SNTG1: variants seen among roughly 807,000 people sequenced by gnomAD.
The protein encoded by SNTG1 is syntrophin gamma 1, also known as gamma-1-syntrophin.
SNTG1 carries 39 observed loss-of-function variants against 74.7 expected under a neutral mutation model. That is an observed-to-expected ratio of 0.52 (90% confidence interval 0.40 to 0.68). The LOEUF (loss-of-function observed/expected upper bound fraction) is 0.68. Among genes scored for constraint, SNTG1 ranks in the 30% least tolerant of loss-of-function variants. The probability of loss-of-function intolerance (pLI) is 0.00; values close to 1 mark genes in which losing one functional copy is unlikely to be tolerated. For synonymous variants in SNTG1, 254 were observed against 217.1 expected, an observed-to-expected ratio of 1.17 and a Z score of -1.49; for missense variants, 685 against 609.5, an observed-to-expected ratio of 1.12 and a Z score of -1.30.
chr8:50,084,522 C>G (rs923778697), intron 1 of SNTG1, among the ~76,000 whole-genome samples: 29 of 152,126 alleles, frequency 1.9e-4, no homozygotes, highest in African/African-American at 6.5e-4. Context: ...TTTAGATGAC[C>G]AAAATCTATA....
chr8:50,138,548 C>T (rs1309720238), intron 1 of SNTG1, among the ~76,000 whole-genome samples: 2 of 151,506 alleles, frequency 1.3e-5, no homozygotes. Context: ...TTGCTTGAAC[C>T]TGGGAGGTGG....
At chr8:50,193,088 C>A (rs1050209117) in intron 2 of SNTG1, among the ~76,000 whole-genome samples, 1 of 152,028 alleles carries the variant, frequency 6.6e-6, no homozygotes, top group African/African-American at 2.4e-5. Context: ...TAGTGTGATG[C>A]CTCCAGATTT....
intron 11 of SNTG1, among the ~76,000 whole-genome samples, chr8:50,545,937 T>C (rs998417944): frequency 1.3e-5 from 2 of 152,104 alleles, no homozygotes; most frequent in Non-Finnish European, 2.9e-5. Context: ...ATCTGACTTA[T>C]AGTAAATACT....
At chr8:50,076,048 A>G (rs375901925) in intron 1 of SNTG1, among the ~76,000 whole-genome samples, 2 of 152,326 alleles carry the variant, frequency 1.3e-5, no homozygotes, top group African/African-American at 4.8e-5. Context: ...CAAATTGACC[A>G]CAAATCTTCA....
rs142843411 is a variant in SNTG1 at position 50,202,226 on chromosome 8, T to C, written c.-28+29591T>C. On this transcript the variant is annotated intron_variant, in intron 2 of 18. Coordinates refer to ENST00000642720, the MANE Select transcript of SNTG1 (RefSeq NM_018967.5). ...TAAATTTGCATGTATTAATTTTCAC[T>C]TTATGTTCTGTAAGTTCTATGGTTT... Among the ~76,000 whole-genome samples, 79 of 152,286 alleles carry C rather than the reference T, an allele frequency of 5.2e-4. 1 individual carries two copies. In the East Asian group the frequency reaches 0.012, roughly 23 times the overall value.
At chr8:50,127,080 T>C (rs1321726260) in intron 1 of SNTG1, among the ~76,000 whole-genome samples, 1 of 151,918 alleles carries the variant, frequency 6.6e-6, no homozygotes, top group Admixed American at 6.6e-5. Flanking sequence ...GACAGAAAAA[T>C]GTTAGGTATA....
At chr8:50,227,517 G>A (rs1034987948) in intron 2 of SNTG1, among the ~76,000 whole-genome samples, 12 of 152,086 alleles carry the variant, frequency 7.9e-5, no homozygotes, top group African/African-American at 2.9e-4. Flanking sequence ...TCACCTAAGA[G>A]AATATCTCTG....
chr8:49,926,354 G>T (rs1319583621), intron 1 of SNTG1, among the ~76,000 whole-genome samples: 1 of 151,894 alleles, frequency 6.6e-6, no homozygotes, highest in Non-Finnish European at 1.5e-5. Flanking sequence ...TTTTTTAGAA[G>T]TTCACAAATA....
chr8:50,152,258 T>C (rs1050275518), intron 1 of SNTG1, among the ~76,000 whole-genome samples: 6 of 152,200 alleles, frequency 3.9e-5, no homozygotes, highest in African/African-American at 9.6e-5. Flanking sequence ...TCCATTTGCT[T>C]GGTAGATCTT....
At chr8:50,391,305 C>G (rs940304959) in intron 2 of SNTG1, among the ~76,000 whole-genome samples, 24 of 152,116 alleles carry the variant, frequency 1.6e-4, no homozygotes, top group African/African-American at 4.6e-4. Context: ...TGTCGAAGGT[C>G]TTTGCTGCAT....
chr8:50,017,214 C>A (rs563119175), intron 1 of SNTG1, among the ~76,000 whole-genome samples: 1 of 152,054 alleles, frequency 6.6e-6, no homozygotes, highest in South Asian at 2.1e-4. Flanking sequence ...TGTTCTATCT[C>A]TTTTAAATAC....
intron 10 of SNTG1, among the ~76,000 whole-genome samples, chr8:50,535,063 T>A (rs1305759663): frequency 2.0e-5 from 3 of 152,170 alleles, no homozygotes; most frequent in Non-Finnish European, 4.4e-5. Context: ...AAGTAGTTTG[T>A]TTTACTAAAT....
chr8:50,631,805 C>G (rs1035287288), intron 13 of SNTG1, among the ~76,000 whole-genome samples: 3 of 152,162 alleles, frequency 2.0e-5, no homozygotes, highest in Non-Finnish European at 4.4e-5. Context: ...ACCTATTCAT[C>G]CCATTTGCAG....
chr8:50,408,035 A>T (rs1438076537), intron 4 of SNTG1, among the ~76,000 whole-genome samples: 3 of 152,216 alleles, frequency 2.0e-5, no homozygotes, highest in Non-Finnish European at 4.4e-5. Flanking sequence ...TGGGGAAGTT[A>T]CAAATCTTCA....
chr8:50,258,137 G>C (rs1240589376), intron 2 of SNTG1, among the ~76,000 whole-genome samples: 1 of 152,184 alleles, frequency 6.6e-6, no homozygotes, highest in Non-Finnish European at 1.5e-5. Flanking sequence ...CAAGCTTGGA[G>C]TGCAGAATCA....
intron 13 of SNTG1, among the ~76,000 whole-genome samples, chr8:50,652,631 T>C (rs552196551): frequency 6.6e-6 from 1 of 152,180 alleles, no homozygotes; most frequent in Admixed American, 6.5e-5. Context: ...AACCCGCCTC[T>C]AGTAAAAATA....
chr8:50,125,168 G>A lies in SNTG1; in HGVS notation c.-102-47393G>A, dbSNP rs1242738266. 2.8e-5 allele frequency among the ~76,000 whole-genome samples: 4 copies of A among 141,840 alleles called. 1 individual carries two copies. Among genetic ancestry groups the A allele is most frequent in the Admixed American group, 1.4e-4 (2 of 13,840 alleles). The allele number at this position is 141,840 out of a possible 152,430, so 93.1% of individuals were successfully genotyped here. A position where few individuals can be genotyped will look rare whatever the true frequency, so the allele number is the denominator to read the frequency against. Reference sequence around the variant, plus strand: ...ACAGAGGTTGGTTTGGGTAGCAGGTGGACTAGGAAAGTGAGCATATGCATT... The same window carrying A: ...ACAGAGGTTGGTTTGGGTAGCAGGTAGACTAGGAAAGTGAGCATATGCATT... On this transcript the variant is annotated intron_variant, in intron 1 of 18. Transcript: ENST00000642720.
rs1026137889 is a variant in SNTG1, at chr8:50,671,106, G to A, written c.1038+12443G>A. Among the ~76,000 whole-genome samples the A allele has an allele frequency of 3.3e-5, 5 of 151,678 alleles. No homozygotes were observed. In the East Asian group the frequency reaches 7.7e-4, roughly 23 times the overall value. Reference sequence around the variant, plus strand: ...ATAAAAACCCTAGAAGAAAACCTAGGCATTACCATTCAGGACATAGACATG... The same window carrying A: ...ATAAAAACCCTAGAAGAAAACCTAGACATTACCATTCAGGACATAGACATG... On this transcript the variant is annotated intron_variant, in intron 15 of 18. Transcript: ENST00000642720.
At chr8:50,065,301 G>A (rs1820813974) in intron 1 of SNTG1, among the ~76,000 whole-genome samples, 1 of 152,094 alleles carries the variant, frequency 6.6e-6, no homozygotes, top group Admixed American at 6.5e-5. Context: ...AAAGCATCAT[G>A]TTTTTTATCT....
Sources: gnomAD v4.1 joint callset for allele counts (sites outside exome capture counted in the v4.1 genomes callset) on GRCh38, gnomAD v4.1.1 for gene constraint, MANE v1.5 for transcripts, NCBI Gene and HGNC (gene_info 2026-07-23, HGNC 2026-07-21) for gene names.